Variants in SGMS2 observed in about 807,000 individuals in gnomAD.
SGMS2 encodes phosphatidylcholine:ceramide cholinephosphotransferase 2.
A neutral mutation model predicts 43.8 loss-of-function variants in SGMS2; 21 were observed. The ratio of observed to expected loss-of-function variants is 0.48; its 90% CI spans 0.34 to 0.69. The LOEUF is 0.69. Among genes scored for constraint, SGMS2 ranks in the 30% least tolerant of loss-of-function variants. The pLI is 0.01. For missense variants in SGMS2, 384 were observed against 443.2 expected (o/e 0.87, Z 1.20); for synonymous variants, 167 against 160.6 (o/e 1.04, Z -0.30).
At chr4:107,826,208 A>G (rs1725582327) in intron 1 of SGMS2, among the ~76,000 whole-genome samples, 1 of 152,248 alleles carries the variant, frequency 6.6e-6, no homozygotes, top group African/African-American at 2.4e-5. Context: ...AATGTCTGGT[A>G]CAAAGCAGAC....
At chr4:107,908,881 C>A in intron 6 of SGMS2, 150 bp downstream of exon 6, 2 of 630,494 alleles carry the variant, frequency 3.2e-6, no homozygotes, top group Non-Finnish European at 5.2e-6. Context: ...TAAAATAAAG[C>A]AAAGAACTTC....
chr4:107,832,482 C>T (rs1457180153), intron 1 of SGMS2, among the ~76,000 whole-genome samples: 3 of 152,176 alleles, frequency 2.0e-5, no homozygotes, highest in Non-Finnish European at 4.4e-5. Context: ...GGTTAAGTCA[C>T]GTACTTAAGG....
chr4:107,867,857 A>G (rs1728245114), intron 2 of SGMS2: 1 of 152,174 alleles, frequency 6.6e-6, no homozygotes. Context: ...TGCGGGGGCC[A>G]TGCTAATCTC....
At chr4:107,870,194 A>G (rs1018172749) in intron 2 of SGMS2, among the ~76,000 whole-genome samples, 1 of 152,142 alleles carries the variant, frequency 6.6e-6, no homozygotes, top group Non-Finnish European at 1.5e-5. Context: ...GATGGATTGG[A>G]TCCATTTAAA....
At chr4:107,892,214 G>T (rs1434691568) in intron 2 of SGMS2, among the ~76,000 whole-genome samples, 1 of 116,258 alleles carries the variant, frequency 8.6e-6, no homozygotes, top group Non-Finnish European at 1.7e-5. Context: ...CCTGCCTTGT[G>T]TTGGAAGCAA....
At chr4:107,846,722 C>T (rs1359840244) in intron 1 of SGMS2, among the ~76,000 whole-genome samples, 2 of 149,460 alleles carry the variant, frequency 1.3e-5, no homozygotes, top group Non-Finnish European at 1.5e-5. Flanking sequence ...AGTTTACAGT[C>T]CCACCAACAG....
At chr4:107,897,221 A>G (rs1730743484) in intron 3 of SGMS2, among the ~76,000 whole-genome samples, 1 of 152,206 alleles carries the variant, frequency 6.6e-6, no homozygotes, top group African/African-American at 2.4e-5. Flanking sequence ...TTAAAACCTT[A>G]TTCCACAAAC....
chr4:107,880,439 G>A (rs1220222116), intron 2 of SGMS2, among the ~76,000 whole-genome samples: 3 of 152,060 alleles, frequency 2.0e-5, no homozygotes, highest in Non-Finnish European at 4.4e-5. Flanking sequence ...AACAAATTTT[G>A]TGGGTGCTTC....
intron 2 of SGMS2, among the ~76,000 whole-genome samples, chr4:107,882,863 T>C (rs999140699): frequency 6.6e-6 from 1 of 152,202 alleles, no homozygotes; most frequent in African/African-American, 2.4e-5. Context: ...TCTTAAACCT[T>C]TAAGTTCAAT....
intron 1 of SGMS2, among the ~76,000 whole-genome samples, chr4:107,856,832 T>C (rs1200523016): frequency 3.9e-5 from 6 of 152,156 alleles, no homozygotes; most frequent in Admixed American, 3.9e-4. Context: ...TTTCAGATAT[T>C]CTTTTGTTCT....
intron 1 of SGMS2, among the ~76,000 whole-genome samples, chr4:107,839,776 A>G (rs1441934602): frequency 6.6e-6 from 1 of 152,178 alleles, no homozygotes; most frequent in Admixed American, 6.5e-5. Flanking sequence ...TATTTTCTTG[A>G]AATGATCTTT....
At chr4:107,879,337 A>G (rs1356885948) in intron 2 of SGMS2, among the ~76,000 whole-genome samples, 1 of 152,180 alleles carries the variant, frequency 6.6e-6, no homozygotes, top group Admixed American at 6.5e-5. Flanking sequence ...TTTCAGAGTC[A>G]CTGCAAAAGT....
chr4:107,846,380 G>C, intron 1 of SGMS2, among the ~76,000 whole-genome samples: 1 of 148,956 alleles, frequency 6.7e-6, no homozygotes, highest in Non-Finnish European at 1.5e-5. Flanking sequence ...TTTTGTCCTT[G>C]CGATAGTTTA....
chr4:107,871,579 A>G (rs7671347), intron 2 of SGMS2, among the ~76,000 whole-genome samples: 72,310 of 151,700 alleles, frequency 0.48, 17,672 homozygotes, highest in South Asian at 0.55. Context: ...ACAGGAGGAC[A>G]TAAATAATTC....
At chr4:107,838,489 T>C (rs1353264279) in intron 1 of SGMS2, among the ~76,000 whole-genome samples, 3 of 152,144 alleles carry the variant, frequency 2.0e-5, no homozygotes, top group African/African-American at 7.2e-5. Flanking sequence ...TAATTGTGCA[T>C]TTACAGGAAG....
chr4:107,844,353 C>T (rs2126003461), intron 1 of SGMS2, among the ~76,000 whole-genome samples: 2 of 151,284 alleles, frequency 1.3e-5, no homozygotes, highest in South Asian at 4.2e-4. Context: ...TTAAAATCAT[C>T]TTGCATTTGG....
chr4:107,851,592 T>C (rs1727148745), intron 1 of SGMS2, among the ~76,000 whole-genome samples: 1 of 152,202 alleles, frequency 6.6e-6, no homozygotes, highest in Admixed American at 6.5e-5. Flanking sequence ...ACAGGATCCT[T>C]ACAGTTTTGA....
Position 107,895,386 on chromosome 4 carries a change from A to G in SGMS2, c.-168A>G, listed in dbSNP as rs1055111946. On this transcript the variant is annotated 5_prime_UTR_variant, in exon 3 of 7. It removes an upstream start codon present in the reference 5' UTR. Transcript: ENST00000690982. ...TGGTGAAGGTACAGCATATAGCTGC[A>G]TGGAAGAAACAGTAATCGGATGGCT... The G allele has an allele frequency of 1.2e-4, 84 of 685,588 alleles. No homozygotes were observed. In the East Asian group the frequency reaches 2.1e-3, roughly 17 times the overall value. 42.5% of individuals were successfully genotyped at this position (685,588 alleles called of 1,614,324 possible). A position where few individuals can be genotyped will look rare whatever the true frequency, so the allele number is the denominator to read the frequency against.
At chr4:107,845,324 G>A (rs1726749943) in intron 1 of SGMS2, among the ~76,000 whole-genome samples, 1 of 152,202 alleles carries the variant, frequency 6.6e-6, no homozygotes, top group Non-Finnish European at 1.5e-5. Context: ...TGTTGCAGGA[G>A]TAGTAAAGGA....
Sources: allele counts gnomAD v4.1 joint callset (sites outside exome capture counted in the v4.1 genomes callset), GRCh38; gene constraint gnomAD v4.1.1; transcripts MANE v1.5; gene names NCBI Gene and HGNC (gene_info 2026-07-23, HGNC 2026-07-21).